The following KCNQ1 variants were observed in gnomAD, a reference collection of about 807,000 sequenced individuals.
The protein encoded by KCNQ1 is potassium voltage-gated channel subfamily Q member 1.
KCNQ1 carries 49 observed loss-of-function variants against 72.4 expected under a neutral mutation model. The ratio of observed to expected loss-of-function variants is 0.68; its 90% CI spans 0.54 to 0.86. The LOEUF (loss-of-function observed/expected upper bound fraction) is 0.86, where lower values mean the gene tolerates loss of function less well. KCNQ1 is among the 40% of genes least tolerant of loss of function. The probability of loss-of-function intolerance (pLI) is 0.00; values close to 1 mark genes in which losing one functional copy is unlikely to be tolerated. For synonymous variants in KCNQ1, 450 were observed against 412.6 expected (o/e 1.09, Z -1.10); for missense variants, 790 against 945.1 (o/e 0.84, Z 2.15).
At chr11:2,741,109 C>T (rs1846042203) in intron 11 of KCNQ1, among the ~76,000 whole-genome samples, 1 of 152,164 alleles carries the variant, frequency 6.6e-6, no homozygotes, top group Admixed American at 6.5e-5. Flanking sequence ...GGACACATGA[C>T]CAGCTCAGGC....
In KCNQ1 at chr11:2,674,020, T is replaced by G; in HGVS notation, c.1514+11939T>G. On this transcript the variant is annotated intron_variant, in intron 11 of 15. Transcript: ENST00000155840. The surrounding 1 kb of genome is among the most constrained non-coding windows in gnomAD (Gnocchi z 5.9). ...GAGGGCCCTCCGTGCTTTCTGGCTCTTTGGGCCTGGGGTGCAGCCCCTCAT... is the reference window on the plus strand; with the variant it reads ...GAGGGCCCTCCGTGCTTTCTGGCTCGTTGGGCCTGGGGTGCAGCCCCTCAT... 2.5e-6 allele frequency: 1 copy of G among 398,536 alleles called. No individual in the cohort carries two copies. The highest frequency in any genetic ancestry group is 4.4e-6 in the Non-Finnish European group (1 of 226,060). The allele number at this position is 398,536 out of a possible 1,614,324, so 24.7% of individuals were successfully genotyped here. A position where few individuals can be genotyped will look rare whatever the true frequency, so the allele number is the denominator to read the frequency against.
chr11:2,689,655 C>A (rs1431432177), intron 11 of KCNQ1: 10 of 398,582 alleles, frequency 2.5e-5, no homozygotes, highest in Non-Finnish European at 4.4e-5. Flanking sequence ...AGGTCACAAG[C>A]CTCCTGAGAG....
At position 2,725,130 on chromosome 11, in the gene KCNQ1, G is replaced by A. The variant is rs1845736916; in HGVS notation, c.1515-43714G>A. ...TGCTGGACCCGTTTCAGCTCCAGGG[G>A]AGAGCCAGGGCAGGGTGGGGCAGGC... On this transcript the variant is annotated intron_variant, in intron 11 of 15. Coordinates refer to ENST00000155840, the MANE Select transcript of KCNQ1 (RefSeq NM_000218.3). This position sits in a 1 kb window ranked among gnomAD's most constrained non-coding sequence, Gnocchi z 7.2. Among the ~76,000 whole-genome samples, 1 of 152,222 alleles carries A rather than the reference G, an allele frequency of 6.6e-6. No homozygotes were observed. The highest frequency in any genetic ancestry group is 1.5e-5 in the Non-Finnish European group (1 of 68,034).
Position 2,600,385 on chromosome 11 carries a change from C to T in KCNQ1, c.1393+11531C>T, listed in dbSNP as rs1278424394. 6.6e-6 allele frequency among the ~76,000 whole-genome samples: 1 copy of T among 152,286 alleles called. No homozygotes were observed. Among genetic ancestry groups the T allele is most frequent in the Middle Eastern group, 3.4e-3 (1 of 294 alleles). On this transcript the variant is annotated intron_variant, in intron 10 of 15. Coordinates refer to ENST00000155840, the MANE Select transcript of KCNQ1 (RefSeq NM_000218.3). This position sits in a 1 kb window ranked among gnomAD's most constrained non-coding sequence, Gnocchi z 5.6. ...ATTACAAGCACGAGATATAAAAACA[C>T]CTACATACCCTTCACTAAGATTTAC...
At chr11:2,459,562 G>T (rs941927850) in intron 1 of KCNQ1, among the ~76,000 whole-genome samples, 4 of 152,144 alleles carry the variant, frequency 2.6e-5, no homozygotes, top group African/African-American at 9.7e-5. Context: ...TGGCACTGTG[G>T]CGACTGGCAG....
rs1201063386 is a variant in KCNQ1 at position 2,783,815 on chromosome 11, C to T, written c.1794+5778C>T. ...AGTCTTCTTTGGTGAAATGTTTATT[C>T]AACTCTCTTGCCCATTTTCTAATTA... On this transcript the variant is annotated intron_variant, in intron 15 of 15. Coordinates refer to ENST00000155840, the MANE Select transcript of KCNQ1 (RefSeq NM_000218.3). This position sits in a 1 kb window ranked among gnomAD's most constrained non-coding sequence, Gnocchi z 5.2. Among the ~76,000 whole-genome samples the T allele has an allele frequency of 2.0e-5, 3 of 151,984 alleles. 1 individual carries two copies. The highest frequency in any genetic ancestry group is 1.5e-5 in the Non-Finnish European group (1 of 67,880).
chr11:2,559,417 G>T lies in KCNQ1; in HGVS notation c.478-11211G>T, dbSNP rs1310437331. The stretch of plus-strand genomic sequence containing the variant: ...GTGGCTACTTAGACGTAGAGCCCGG[G>T]GCAGGGGGAGGGCCAGCCCCTGTGG... On this transcript the variant is annotated intron_variant, in intron 2 of 15. Coordinates refer to ENST00000155840, the MANE Select transcript of KCNQ1 (RefSeq NM_000218.3). The surrounding 1 kb of genome is among the most constrained non-coding windows in gnomAD (Gnocchi z 4.9). Among the ~76,000 whole-genome samples the T allele has an allele frequency of 1.3e-5, 2 of 152,172 alleles. No individual in the cohort carries two copies. Among genetic ancestry groups the T allele is most frequent in the Admixed American group, 1.3e-4 (2 of 15,286 alleles).
At chr11:2,675,032 C>T (rs1001102469) in intron 11 of KCNQ1, 11 of 398,488 alleles carry the variant, frequency 2.8e-5, no homozygotes, top group African/African-American at 2.3e-4. Flanking sequence ...TGCCAGAGCC[C>T]AGGTGGGGGA....
At chr11:2,776,318 G>A (rs1165393855) in intron 13 of KCNQ1, among the ~76,000 whole-genome samples, 4 of 152,114 alleles carry the variant, frequency 2.6e-5, no homozygotes, top group African/African-American at 9.7e-5. Context: ...GGGGAGGCGC[G>A]TAGGGGAGGC....
At chr11:2,716,037 C>G (rs1459988938) in intron 11 of KCNQ1, among the ~76,000 whole-genome samples, 1 of 152,212 alleles carries the variant, frequency 6.6e-6, no homozygotes, top group Non-Finnish European at 1.5e-5. Context: ...CTCTCATGCA[C>G]TGAGAGTAAT....
At chr11:2,796,856 G>A (rs1315275176) in intron 15 of KCNQ1, among the ~76,000 whole-genome samples, 4 of 152,198 alleles carry the variant, frequency 2.6e-5, no homozygotes, top group Admixed American at 2.6e-4. Flanking sequence ...GTGAGAAAAC[G>A]ATGGGGCAGG....
At chr11:2,837,575 C>T (rs889109006) in intron 15 of KCNQ1, among the ~76,000 whole-genome samples, 20 of 152,206 alleles carry the variant, frequency 1.3e-4, no homozygotes, top group African/African-American at 4.8e-4. Flanking sequence ...GAGGCGGCCT[C>T]TAAGAAGCAC....
At chr11:2,789,759 C>T (rs985359510) in intron 15 of KCNQ1, among the ~76,000 whole-genome samples, 10 of 152,204 alleles carry the variant, frequency 6.6e-5, no homozygotes, top group African/African-American at 2.2e-4. Context: ...GATTGAGATG[C>T]GCCAGGTAGT....
At chr11:2,810,683 G>T (rs1304167552) in intron 15 of KCNQ1, among the ~76,000 whole-genome samples, 2 of 152,214 alleles carry the variant, frequency 1.3e-5, no homozygotes, top group African/African-American at 4.8e-5. Context: ...TGGCCAGCCA[G>T]GCCCCTCTCT....
chr11:2,552,089 T>C (rs1401016875), intron 2 of KCNQ1, among the ~76,000 whole-genome samples: 1 of 152,236 alleles, frequency 6.6e-6, no homozygotes, highest in Non-Finnish European at 1.5e-5. Flanking sequence ...GTTTTTAATT[T>C]TGATGAAGTT....
rs1167505141 is a variant in KCNQ1 at position 2,610,716 on chromosome 11, C to CTTTTTTTTTTTTTTTTT, written c.1393+21875_1393+21891dup. The CTTTTTTTTTTTTTTTTT allele has an allele frequency of 1.8e-4, 42 of 230,170 alleles. 5 individuals are homozygous for CTTTTTTTTTTTTTTTTT. Among genetic ancestry groups the CTTTTTTTTTTTTTTTTT allele is most frequent in the African/African-American group, 5.6e-4 (12 of 21,572 alleles). The allele number at this position is 230,170 out of a possible 1,614,324, so 14.3% of individuals were successfully genotyped here. On this transcript the variant is annotated intron_variant, in intron 10 of 15. Coordinates refer to ENST00000155840, the MANE Select transcript of KCNQ1 (RefSeq NM_000218.3). ...TTCTGGACACAGTATTCTTGGTTGG[C>CTTTTTTTTTTTTTTTTT]TTTTTTTTTTTTTTTTTTTTTTTTT... is the stretch of plus-strand genomic sequence containing the variant.
chr11:2,742,577 CAG>C (rs1382351911), intron 11 of KCNQ1, among the ~76,000 whole-genome samples: 3 of 152,354 alleles, frequency 2.0e-5, no homozygotes, highest in East Asian at 1.9e-4. Flanking sequence ...CTGAATCAAT[CAG>C]GGGCAGAAAT....
In KCNQ1 at chr11:2,598,278, T is replaced by C. The variant is rs1037197134; in HGVS notation, c.1393+9424T>C. 2.5e-4 allele frequency among the ~76,000 whole-genome samples: 38 copies of C among 152,304 alleles called. No individual in the cohort carries two copies. Among genetic ancestry groups the C allele is most frequent in the Admixed American group, 9.8e-4 (15 of 15,300 alleles). On this transcript the variant is annotated intron_variant, in intron 10 of 15. Coordinates refer to ENST00000155840, the MANE Select transcript of KCNQ1 (RefSeq NM_000218.3). This position sits in a 1 kb window ranked among gnomAD's most constrained non-coding sequence, Gnocchi z 6.2. ...TCTTGATAGTTTTAATTTTGTGTTT[T>C]GATTTTTCTCTTTAGAGTTCTTTTA...
chr11:2,648,977 T>C (rs926788103), intron 10 of KCNQ1: 7 of 369,158 alleles, frequency 1.9e-5, no homozygotes, highest in African/African-American at 1.5e-4. Context: ...TCTTTTTTCT[T>C]TTTCTTTTTT....
Sources: allele counts gnomAD v4.1 joint callset (sites outside exome capture counted in the v4.1 genomes callset), GRCh38; gene constraint gnomAD v4.1.1; non-coding constraint Gnocchi (gnomAD v3.1); transcripts MANE v1.5; gene names NCBI Gene and HGNC (gene_info 2026-07-23, HGNC 2026-07-21).